Variants in RNF130 observed in about 807,000 individuals in gnomAD.
The protein encoded by RNF130 is ring finger protein 130, also known as E3 ubiquitin-protein ligase RNF130.
RNF130 carries 21 observed loss-of-function variants against 44.6 expected under a neutral mutation model. The ratio of observed to expected loss-of-function variants is 0.47; its 90% CI spans 0.33 to 0.68. The LOEUF (loss-of-function observed/expected upper bound fraction) is 0.68, where lower values mean the gene tolerates loss of function less well. Ranked by LOEUF, RNF130 falls within the 30% of genes least tolerant of loss-of-function variation. The pLI, the probability that RNF130 is intolerant of heterozygous loss-of-function variation, is 0.02. For missense variants in RNF130, 479 were observed against 560.6 expected, an observed-to-expected ratio of 0.85 and a Z score of 1.47; for synonymous variants, 214 against 210.4, an observed-to-expected ratio of 1.02 and a Z score of -0.15.
intron 1 of RNF130, among the ~76,000 whole-genome samples, chr5:180,047,476 G>A (rs1021741373): frequency 3.3e-5 from 5 of 152,146 alleles, no homozygotes; most frequent in African/African-American, 9.7e-5. Context: ...CCGGCGTGGT[G>A]GTTCATAGCT....
intron 2 of RNF130, among the ~76,000 whole-genome samples, chr5:180,026,047 T>A (rs1372322914): frequency 6.6e-6 from 1 of 151,768 alleles, no homozygotes; most frequent in Middle Eastern, 3.2e-3. Flanking sequence ...AATATAGAGC[T>A]AAATACGTTT....
intron 2 of RNF130, among the ~76,000 whole-genome samples, chr5:180,016,085 C>A (rs1763720503): frequency 6.6e-6 from 1 of 152,170 alleles, no homozygotes. Context: ...CAGAGAAGAG[C>A]CGGGCAGAGG....
At chr5:180,027,002 A>G (rs1764006621) in intron 2 of RNF130, among the ~76,000 whole-genome samples, 1 of 152,226 alleles carries the variant, frequency 6.6e-6, no homozygotes, top group African/African-American at 2.4e-5. Flanking sequence ...CTGTAAACTC[A>G]GTAAGGGCAA....
intron 2 of RNF130, among the ~76,000 whole-genome samples, chr5:180,020,103 C>T (rs1763838435): frequency 6.6e-6 from 1 of 152,124 alleles, no homozygotes; most frequent in African/African-American, 2.4e-5. Flanking sequence ...GGACACAGGA[C>T]ACAGGAGTTT....
chr5:179,944,029 C>A (rs969830246), intron 7 of RNF130, among the ~76,000 whole-genome samples: 11 of 149,406 alleles, frequency 7.4e-5, no homozygotes, highest in Non-Finnish European at 1.3e-4. Flanking sequence ...TGGAGTGCAA[C>A]GGCGCGATCT....
chr5:180,042,306 G>A (rs1357670006), intron 1 of RNF130, among the ~76,000 whole-genome samples: 3 of 152,112 alleles, frequency 2.0e-5, no homozygotes, highest in Non-Finnish European at 4.4e-5. Context: ...TGCTACCAGA[G>A]GTCTCCTAAT....
At chr5:180,004,255 G>A (rs915992442) in intron 3 of RNF130, among the ~76,000 whole-genome samples, 2 of 152,124 alleles carry the variant, frequency 1.3e-5, no homozygotes, top group Non-Finnish European at 2.9e-5. Flanking sequence ...GCATTTTCCC[G>A]TAATACGCTA....
intron 3 of RNF130, among the ~76,000 whole-genome samples, chr5:180,009,583 G>T (rs1023356262): frequency 6.6e-6 from 1 of 152,204 alleles, no homozygotes; most frequent in Non-Finnish European, 1.5e-5. Context: ...AAGTGCTGTC[G>T]AGAGTGTGGA....
At chr5:180,069,081 A>C (rs556040820) in intron 1 of RNF130, among the ~76,000 whole-genome samples, 1 of 152,374 alleles carries the variant, frequency 6.6e-6, no homozygotes, top group South Asian at 2.1e-4. Context: ...GAATAATTTT[A>C]ACAGATTTAT....
At chr5:180,006,042 C>T (rs1449555497) in intron 3 of RNF130, among the ~76,000 whole-genome samples, 1 of 152,060 alleles carries the variant, frequency 6.6e-6, no homozygotes, top group Non-Finnish European at 1.5e-5. Context: ...TACAAAATGG[C>T]AGGACATGAA....
rs1161458683 is a variant in RNF130 at position 180,071,649 on chromosome 5, C to CAGCAGGGCGAGCGCGGCG, written c.36_53dup (p.Ala13_Leu18dup). 6.8e-7 allele frequency: 1 copy of CAGCAGGGCGAGCGCGGCG among 1,476,728 alleles called. No homozygotes were observed. The highest frequency in any genetic ancestry group is 9.0e-7 in the Non-Finnish European group (1 of 1,113,094). The allele number at this position is 1,476,728 out of a possible 1,614,324, so 91.5% of individuals were successfully genotyped here. On this transcript the variant is annotated inframe_insertion, in exon 1 of 9. Coordinates refer to ENST00000521389, the MANE Select transcript of RNF130 (RefSeq NM_018434.6). ...CCCGTGCCGGCCACAGGCTGCAGGTCAGCAGGGCGAGCGCGGCGAGCCGGG... is the reference window on the plus strand; with the variant it reads ...CCCGTGCCGGCCACAGGCTGCAGGTCAGCAGGGCGAGCGCGGCGAGCAGGGCGAGCGCGGCGAGCCGGG...
chr5:179,964,089 T>C (rs1185096937), intron 7 of RNF130: 2 of 154,886 alleles, frequency 1.3e-5, no homozygotes, highest in Admixed American at 1.3e-4. Context: ...TCTTCTCTCT[T>C]ATGCATGGGC....
Position 180,010,425 on chromosome 5 carries a change from T to A in RNF130, c.693+2636A>T, listed in dbSNP as rs147082561. Among the ~76,000 whole-genome samples, 1,483 of 152,068 alleles carry A rather than the reference T, an allele frequency of 9.8e-3. 10 individuals are homozygous for A. Among genetic ancestry groups the A allele is most frequent in the Non-Finnish European group, 0.014 (977 of 67,998 alleles). On this transcript the variant is annotated intron_variant, in intron 3 of 8. Coordinates refer to ENST00000521389, the MANE Select transcript of RNF130 (RefSeq NM_018434.6). ...CCCAGGCTGGAGTGCAGTGGTACGA[T>A]CATGGCTCACTGCAGCCTCTGCCTC...
chr5:180,058,514 G>A (rs1764890731), intron 1 of RNF130, among the ~76,000 whole-genome samples: 1 of 152,164 alleles, frequency 6.6e-6, no homozygotes. Flanking sequence ...CGCAGGGGCT[G>A]CGGCAGAGGG....
intron 5 of RNF130, among the ~76,000 whole-genome samples, chr5:179,970,707 C>T (rs981092904): frequency 5.3e-5 from 8 of 152,090 alleles, no homozygotes; most frequent in African/African-American, 1.9e-4. Context: ...TGTACAACAC[C>T]GTGTAAGAAC....
At chr5:180,038,290 A>G (rs2113135453) in intron 2 of RNF130, among the ~76,000 whole-genome samples, 1 of 151,840 alleles carries the variant, frequency 6.6e-6, no homozygotes, top group Non-Finnish European at 1.5e-5. Flanking sequence ...CCTGGGCTCA[A>G]GCAATCCTCC....
intron 3 of RNF130, among the ~76,000 whole-genome samples, chr5:179,985,012 G>A (rs1383221714): frequency 1.3e-5 from 2 of 152,014 alleles, no homozygotes; most frequent in African/African-American, 2.4e-5. Flanking sequence ...GTTTGATATT[G>A]TTATCATAGC....
At chr5:179,990,235 T>TC (rs1396804087) in intron 3 of RNF130, among the ~76,000 whole-genome samples, 9 of 152,088 alleles carry the variant, frequency 5.9e-5, no homozygotes, top group Non-Finnish European at 1.2e-4. Context: ...AGAGTTTGAG[T>TC]CACCTCCAGT....
intron 7 of RNF130, among the ~76,000 whole-genome samples, chr5:179,942,326 A>T (rs1008799517): frequency 2.6e-5 from 4 of 151,944 alleles, no homozygotes; most frequent in Admixed American, 6.6e-5. Context: ...GGACTGATTC[A>T]ATATACAATG....
Sources: gnomAD v4.1 joint callset for allele counts (sites outside exome capture counted in the v4.1 genomes callset) on GRCh38, gnomAD v4.1.1 for gene constraint, MANE v1.5 for transcripts, NCBI Gene and HGNC (gene_info 2026-07-23, HGNC 2026-07-21) for gene names.